PCDH15: variants seen among roughly 807,000 people sequenced by gnomAD.
PCDH15 encodes the protein protocadherin related 15.
A neutral mutation model predicts 178.5 loss-of-function variants in PCDH15; 129 were observed. That is an observed-to-expected ratio of 0.72 (90% CI 0.63 to 0.84). PCDH15 has a LOEUF of 0.84. Among genes scored for constraint, PCDH15 ranks in the 40% least tolerant of loss-of-function variants. PCDH15 has a pLI of 0.00. For synonymous variants in PCDH15, 800 were observed against 732.0 expected, an observed-to-expected ratio of 1.09 and a Z score of -1.50; for missense variants, 2,230 against 2,099.9, an observed-to-expected ratio of 1.06 and a Z score of -1.21.
intron 6 of PCDH15, among the ~76,000 whole-genome samples, chr10:54,338,056 T>C (rs1941532824): frequency 6.6e-6 from 1 of 152,226 alleles, no homozygotes; most frequent in African/African-American, 2.4e-5. Context: ...TTCATTCACA[T>C]TTAATGATGC....
chr10:55,150,579 C>A (rs1290902878), intron 2 of PCDH15, among the ~76,000 whole-genome samples: 4 of 152,030 alleles, frequency 2.6e-5, no homozygotes, highest in African/African-American at 4.8e-5. Flanking sequence ...TATGATTTCA[C>A]AACTGGAGGG....
At chr10:54,945,117 G>T (rs1838161519) in intron 2 of PCDH15, among the ~76,000 whole-genome samples, 1 of 151,680 alleles carries the variant, frequency 6.6e-6, no homozygotes, top group South Asian at 2.1e-4. Context: ...TTTTATTGCA[G>T]CACCAAGTTT....
At chr10:55,377,688 C>A (rs1014413525) in intron 2 of PCDH15, among the ~76,000 whole-genome samples, 1 of 151,906 alleles carries the variant, frequency 6.6e-6, no homozygotes, top group African/African-American at 2.4e-5. Flanking sequence ...AACCTTTTAC[C>A]ACTATATATA....
At chr10:55,053,437 A>T (rs1176093110) in intron 2 of PCDH15, among the ~76,000 whole-genome samples, 1 of 152,216 alleles carries the variant, frequency 6.6e-6, no homozygotes, top group Non-Finnish European at 1.5e-5. Context: ...TCTCTTGTTC[A>T]AAGTATTTGT....
At chr10:55,519,085 T>C in intron 2 of PCDH15, among the ~76,000 whole-genome samples, 1 of 111,042 alleles carries the variant, frequency 9.0e-6, no homozygotes, top group Non-Finnish European at 1.7e-5. Flanking sequence ...CAGAGTGAGA[T>C]TTCGTCTCAA....
intron 2 of PCDH15, among the ~76,000 whole-genome samples, chr10:55,039,496 A>G (rs1285931874): frequency 1.3e-5 from 2 of 152,142 alleles, no homozygotes; most frequent in African/African-American, 2.4e-5. Flanking sequence ...TTCCTTTTCC[A>G]GTAGTTATGC....
At chr10:55,185,912 T>A (rs1192203149) in intron 1 of PCDH15, among the ~76,000 whole-genome samples, 1 of 151,738 alleles carries the variant, frequency 6.6e-6, no homozygotes, top group East Asian at 1.9e-4. Context: ...CATATTTCAA[T>A]ACAAAAATAG....
At chr10:53,991,931 T>C (rs2134818486) in intron 21 of PCDH15, among the ~76,000 whole-genome samples, 1 of 152,192 alleles carries the variant, frequency 6.6e-6, no homozygotes, top group African/African-American at 2.4e-5. Context: ...AAAAGCAGGC[T>C]GCCCAAGCCA....
chr10:55,084,985 A>G (rs1842131337), intron 2 of PCDH15, among the ~76,000 whole-genome samples: 1 of 151,994 alleles, frequency 6.6e-6, no homozygotes, highest in African/African-American at 2.4e-5. Context: ...TGGGAATGTA[A>G]ATTAGTACAG....
At chr10:53,840,221 G>T (rs1444204760) in intron 29 of PCDH15, 99 bp downstream of exon 29, 3 of 1,352,756 alleles carry the variant, frequency 2.2e-6, no homozygotes, top group Non-Finnish European at 2.1e-6. Context: ...GTAACTATTT[G>T]GTGGGTTTTA....
chr10:53,834,478 G>GAGAT (rs929950450), intron 29 of PCDH15, among the ~76,000 whole-genome samples: 47 of 150,446 alleles, frequency 3.1e-4, no homozygotes, highest in African/African-American at 8.8e-4. Flanking sequence ...TCCTAAAAAA[G>GAGAT]AGATAGATCT....
At chr10:54,545,680 G>C (rs2085767775) in intron 2 of PCDH15, among the ~76,000 whole-genome samples, 1 of 152,068 alleles carries the variant, frequency 6.6e-6, no homozygotes, top group Admixed American at 6.5e-5. Context: ...TAGCAATATA[G>C]AGATAATTAA....
At chr10:53,816,868 G>A (rs1254787489) in intron 34 of PCDH15, among the ~76,000 whole-genome samples, 2 of 152,120 alleles carry the variant, frequency 1.3e-5, no homozygotes, top group Non-Finnish European at 2.9e-5. Context: ...TATCAGATTT[G>A]GTAGGAATTG....
intron 2 of PCDH15, among the ~76,000 whole-genome samples, chr10:55,555,412 GTTC>G (rs934729544): frequency 6.6e-6 from 1 of 152,008 alleles, no homozygotes; most frequent in African/African-American, 2.4e-5. Flanking sequence ...TTCTCTCAAA[GTTC>G]TTCTGCTTCT....
At chr10:54,102,581 T>C (rs1361925755) in intron 15 of PCDH15, among the ~76,000 whole-genome samples, 1 of 152,218 alleles carries the variant, frequency 6.6e-6, no homozygotes, top group African/African-American at 2.4e-5. Context: ...AAGTCCTTCA[T>C]AGTGGCATTA....
chr10:55,531,040 G>T (rs573221648), intron 2 of PCDH15, among the ~76,000 whole-genome samples: 1 of 131,102 alleles, frequency 7.6e-6, no homozygotes, highest in African/African-American at 2.8e-5. Context: ...TTTCAGCACC[G>T]TTGTATTTTA....
chr10:54,404,755 G>T (rs1952412234), intron 3 of PCDH15, among the ~76,000 whole-genome samples: 1 of 151,960 alleles, frequency 6.6e-6, no homozygotes, highest in Non-Finnish European at 1.5e-5. Flanking sequence ...CTATGCATTT[G>T]ACAAAGGTCT....
At chr10:54,108,951 CAACA>C (rs374916688) in intron 15 of PCDH15, among the ~76,000 whole-genome samples, 51 of 152,082 alleles carry the variant, frequency 3.4e-4, no homozygotes, top group South Asian at 1.0e-3. Context: ...TCAACTGACG[CAACA>C]AACAAACAAA....
At chr10:55,519,461 C>T (rs751255013) in intron 2 of PCDH15, among the ~76,000 whole-genome samples, 2 of 151,912 alleles carry the variant, frequency 1.3e-5, no homozygotes, top group African/African-American at 2.4e-5. Context: ...GCAAGATACA[C>T]GACCCCTGTG....
Sources: allele counts gnomAD v4.1 joint callset (sites outside exome capture counted in the v4.1 genomes callset), GRCh38; gene constraint gnomAD v4.1.1; transcripts MANE v1.5; gene names NCBI Gene and HGNC (gene_info 2026-07-23, HGNC 2026-07-21).